MRE11: variants seen among roughly 807,000 people sequenced by gnomAD.
The protein encoded by MRE11 is MRE11 double strand break repair nuclease.
Under a neutral mutation model 91.7 loss-of-function variants are expected in MRE11, and 62 were observed. The observed-to-expected ratio is 0.68, with a 90% CI of 0.55 to 0.84. The LOEUF (loss-of-function observed/expected upper bound fraction) is 0.84, where lower values mean the gene tolerates loss of function less well. MRE11 is among the 40% of genes least tolerant of loss of function. The probability of loss-of-function intolerance (pLI) is 0.00; values close to 1 mark genes in which losing one functional copy is unlikely to be tolerated. For missense variants in MRE11, 796 were observed against 852.9 expected (o/e 0.93, Z 0.83); for synonymous variants, 273 against 271.4 (o/e 1.01, Z -0.06).
At chr11:94,496,791 A>G (rs759963956), upstream of MRE11, 1 of 1,614,058 alleles carries the variant, frequency 6.2e-7, no homozygotes, top group South Asian at 1.1e-5. Flanking sequence ...TTGGAAACAC[A>G]TGGACACCTT....
At chr11:94,511,577 T>C in the MRE11 span, among the ~76,000 whole-genome samples, 1 of 152,232 alleles carries the variant, frequency 6.6e-6, no homozygotes, top group African/African-American at 2.4e-5. Flanking sequence ...TCTTTCATCG[T>C]AGGAAATCAA....
Position 94,445,886 on chromosome 11 carries a change from A to C in MRE11, c.1791T>G (p.Thr597=). 2 of 1,613,240 alleles carry C rather than the reference A, an allele frequency of 1.2e-6. No homozygotes were observed. Among genetic ancestry groups the C allele is most frequent in the Non-Finnish European group, 1.7e-6 (2 of 1,179,166 alleles). The change falls in exon 16 of 20, where the codon ACT becomes ACG. Residue 597 remains threonine (T), a synonymous_variant. Coordinates refer to ENST00000323929, the MANE Select transcript of MRE11 (RefSeq NM_005591.4). ...RGGSQRGRAD[T]GLETSTRSRN... ...TGCTACGGGTAGAAGTCTCCAGACC[A>C]GTGTCTGCTGTTAGAAAAATGAACA... is the stretch of plus-strand genomic sequence containing the variant.
chr11:94,483,454 C>G (rs775129572), intron 4 of MRE11, among the ~76,000 whole-genome samples: 1 of 152,132 alleles, frequency 6.6e-6, no homozygotes, highest in Non-Finnish European at 1.5e-5. Context: ...CAGGCCTTTC[C>G]TGTGCTGTTC....
intron 11 of MRE11, among the ~76,000 whole-genome samples, chr11:94,461,871 C>A (rs993282650): frequency 1.3e-5 from 2 of 152,026 alleles, no homozygotes. Flanking sequence ...GTCAGGAGAT[C>A]GAGACCAACC....
At position 94,416,242 on chromosome 11, in the gene MRE11, T is replaced by C. The variant is rs1362358482; in HGVS notation, c.*3883A>G. 6.6e-6 allele frequency: 1 copy of C among 152,148 alleles called. No individual in the cohort carries two copies. The allele number at this position is 152,148 out of a possible 1,614,324, so 9.4% of individuals were successfully genotyped here. On this transcript the variant is annotated 3_prime_UTR_variant, in exon 20 of 20. Coordinates refer to ENST00000323929, the MANE Select transcript of MRE11 (RefSeq NM_005591.4). ...TTTAATACACATTCAATGTCTGAAT[T>C]TGAAGAATAAAAATGCATTGCTTTC...
chr11:94,502,686 T>G, the MRE11 span, among the ~76,000 whole-genome samples: 1 of 152,202 alleles, frequency 6.6e-6, no homozygotes, highest in Non-Finnish European at 1.5e-5. Context: ...TTTGTTTTTT[T>G]TCTTTTTGAG....
intron 14 of MRE11, among the ~76,000 whole-genome samples, chr11:94,450,104 A>G (rs1433928374): frequency 2.0e-5 from 3 of 152,242 alleles, no homozygotes; most frequent in Non-Finnish European, 2.9e-5. Context: ...TAATTCAAGT[A>G]TAAGTTAAAG....
intron 14 of MRE11, among the ~76,000 whole-genome samples, chr11:94,447,908 C>T (rs1945984162): frequency 6.6e-6 from 1 of 151,958 alleles, no homozygotes; most frequent in Admixed American, 6.6e-5. Context: ...AAATTTAATA[C>T]TTATTATCTG....
At position 94,419,463 on chromosome 11, in the gene MRE11, A is replaced by AGGGG. The variant is rs796605825; in HGVS notation, c.*661_*662insCCCC. 5 of 221,480 alleles carry AGGGG rather than the reference A, an allele frequency of 2.3e-5. No individual in the cohort carries two copies. Among genetic ancestry groups the AGGGG allele is most frequent in the African/African-American group, 1.2e-4 (5 of 42,162 alleles). The allele number at this position is 221,480 out of a possible 1,614,324, so 13.7% of individuals were successfully genotyped here. A position where few individuals can be genotyped will look rare whatever the true frequency, so the allele number is the denominator to read the frequency against. On this transcript the variant is annotated 3_prime_UTR_variant, in exon 20 of 20. Transcript: ENST00000323929. Reference sequence around the variant, plus strand: ...AGGAAGAGTGGGGAACGGGGGGGAGAGGGAGAGAGAGAGAGAGAGAGAGAG... The same window carrying AGGGG: ...AGGAAGAGTGGGGAACGGGGGGGAGAGGGGGGGAGAGAGAGAGAGAGAGAGAGAG...
At chr11:94,447,132 T>A in intron 15 of MRE11, 87 bp downstream of exon 15, 1 of 1,334,480 alleles carries the variant, frequency 7.5e-7, no homozygotes, top group East Asian at 2.3e-5. Flanking sequence ...AAATAAAACT[T>A]ATAATTCAAC....
chr11:94,441,696 G>T (rs898342729), intron 16 of MRE11, among the ~76,000 whole-genome samples: 1 of 152,076 alleles, frequency 6.6e-6, no homozygotes, highest in Non-Finnish European at 1.5e-5. Flanking sequence ...AAGCAAATAG[G>T]CTGGGCAAGG....
intron 10 of MRE11, among the ~76,000 whole-genome samples, chr11:94,464,983 G>A (rs1325633776): frequency 6.6e-6 from 1 of 152,052 alleles, no homozygotes; most frequent in African/African-American, 2.4e-5. Flanking sequence ...ATCTGCTAAG[G>A]TTTTTTGTTC....
intron 11 of MRE11, among the ~76,000 whole-genome samples, chr11:94,463,705 C>A (rs1946481756): frequency 6.6e-6 from 1 of 151,346 alleles, no homozygotes; most frequent in East Asian, 2.0e-4. Flanking sequence ...CCCGCATATT[C>A]TCACTCATAG....
chr11:94,435,293 A>G (rs1177973491), intron 18 of MRE11, among the ~76,000 whole-genome samples: 1 of 152,212 alleles, frequency 6.6e-6, no homozygotes, highest in Non-Finnish European at 1.5e-5. Context: ...ACTGGCTCAC[A>G]TCTGTAATCC....
chr11:94,432,010 T>C (rs746422344), intron 18 of MRE11, among the ~76,000 whole-genome samples: 30 of 152,096 alleles, frequency 2.0e-4, no homozygotes, highest in Non-Finnish European at 3.1e-4. Flanking sequence ...TGTGCTTCAA[T>C]TTACAAAGAC....
At chr11:94,506,365 G>A in the MRE11 span, among the ~76,000 whole-genome samples, 1 of 151,710 alleles carries the variant, frequency 6.6e-6, no homozygotes, top group Non-Finnish European at 1.5e-5. Flanking sequence ...ACCTAAAACA[G>A]TACCTTTTAT....
the MRE11 span, among the ~76,000 whole-genome samples, chr11:94,500,784 T>C: frequency 2.0e-5 from 3 of 152,194 alleles, no homozygotes; most frequent in African/African-American, 4.8e-5. Context: ...AGAGTCTTTA[T>C]ACTACAATCT....
chr11:94,441,424 C>T (rs886793354), intron 16 of MRE11, among the ~76,000 whole-genome samples: 159 of 152,244 alleles, frequency 1.0e-3, no homozygotes, highest in African/African-American at 3.5e-3. Context: ...AGGAAGATGG[C>T]TTCATCCAAG....
chr11:94,471,601 G>C lies in MRE11; in HGVS notation c.818C>G (p.Ser273Cys), dbSNP rs143400546. 186 of 1,612,526 alleles carry C rather than the reference G, an allele frequency of 1.2e-4. No individual in the cohort carries two copies. The highest frequency in any genetic ancestry group is 1.7e-4 in the Middle Eastern group (1 of 6,058). The change falls in exon 8 of 20, where the codon TCT becomes TGT. Residue 273 changes from serine (S) to cysteine (C), a missense_variant. Transcript: ENST00000323929. ...CTTTACAGCTTCTCCTGGGGAAAGA[G>C]AAGTAACCACTGAGCTTCCAGGTTG... is the stretch of plus-strand genomic sequence containing the variant. The part of the protein sequence containing the change: ...ISQPGSSVVT[S>C]LSPGEAVKKH...
Sources: gnomAD v4.1 joint callset for allele counts (sites outside exome capture counted in the v4.1 genomes callset) on GRCh38, gnomAD v4.1.1 for gene constraint, MANE v1.5 for transcripts, NCBI Gene and HGNC (gene_info 2026-07-23, HGNC 2026-07-21) for gene names.